Variants in JAKMIP2 observed in about 807,000 individuals in gnomAD.
The protein encoded by JAKMIP2 is janus kinase and microtubule interacting protein 2, also known as janus kinase and microtubule-interacting protein 2.
JAKMIP2 carries 25 observed loss-of-function variants against 115.0 expected under a neutral mutation model. The ratio of observed to expected loss-of-function variants is 0.22; its 90% CI spans 0.16 to 0.30. The LOEUF (loss-of-function observed/expected upper bound fraction) is 0.30, where lower values mean the gene tolerates loss of function less well. Among genes scored for constraint, JAKMIP2 ranks in the 10% least tolerant of loss-of-function variants. The pLI, the probability that JAKMIP2 is intolerant of heterozygous loss-of-function variation, is 1.00. For missense variants in JAKMIP2, 642 were observed against 957.6 expected (o/e 0.67, Z 4.35); for synonymous variants, 334 against 343.6 (o/e 0.97, Z 0.31).
intron 3 of JAKMIP2, chr5:147,660,424 G>T (rs1052781552): frequency 3.8e-5 from 17 of 449,174 alleles, no homozygotes; most frequent in African/African-American, 3.0e-4. Context: ...AAATGACTAG[G>T]GATTTTATCA....
At position 147,594,215 on chromosome 5, in the gene JAKMIP2, C is replaced by T. The variant is rs182166644; in HGVS notation, c.*21-2529G>A. The T allele has an allele frequency of 1.6e-3, 319 of 196,952 alleles. 5 individuals carry two copies. In the Admixed American group the frequency reaches 0.016, roughly 10 times the overall value. The allele number at this position is 196,952 out of a possible 1,614,324, so 12.2% of individuals were successfully genotyped here. On this transcript the variant is annotated intron_variant, in intron 21 of 21. Transcript: ENST00000616793. The stretch of plus-strand genomic sequence containing the variant: ...TAGCATTCTGAGTTATTGCAGTTAC[C>T]CAGTGGGTAACAGGAGTTCTTTTTA...
intron 3 of JAKMIP2, among the ~76,000 whole-genome samples, chr5:147,656,715 T>C (rs1206040222): frequency 6.6e-6 from 1 of 152,240 alleles, no homozygotes; most frequent in African/African-American, 2.4e-5. Flanking sequence ...TATGTGAATT[T>C]GATCCTGTCA....
intron 20 of JAKMIP2, among the ~76,000 whole-genome samples, chr5:147,605,379 T>G (rs1467888085): frequency 6.6e-6 from 1 of 151,888 alleles, no homozygotes; most frequent in East Asian, 1.9e-4. Flanking sequence ...CCGGCTAATT[T>G]TTTGTATTTT....
chr5:147,689,138 A>C (rs1045435039), intron 1 of JAKMIP2, among the ~76,000 whole-genome samples: 4 of 152,192 alleles, frequency 2.6e-5, no homozygotes, highest in Non-Finnish European at 5.9e-5. Flanking sequence ...CAAGAGCTCC[A>C]CAGTGAGCAC....
chr5:147,719,830 A>T (rs1194851040), intron 1 of JAKMIP2, among the ~76,000 whole-genome samples: 1 of 151,846 alleles, frequency 6.6e-6, no homozygotes, highest in Non-Finnish European at 1.5e-5. Flanking sequence ...TTTTAATTGG[A>T]GCATTTAGTC....
chr5:147,643,966 G>C (rs989529149), intron 7 of JAKMIP2, 92 bp downstream of exon 7: 2 of 1,072,968 alleles, frequency 1.9e-6, no homozygotes, highest in African/African-American at 3.1e-5. Context: ...GGGCCTCTGG[G>C]GTTAAACTAA....
chr5:147,754,057 C>T (rs1754657828), intron 1 of JAKMIP2, among the ~76,000 whole-genome samples: 1 of 152,158 alleles, frequency 6.6e-6, no homozygotes. Flanking sequence ...ATATTAAATG[C>T]TTCTCCTCCC....
At position 147,742,155 on chromosome 5, in the gene JAKMIP2, A is replaced by ATATTTTT; in HGVS notation, c.-149+40300_-149+40301insAAAAATA. 1.3e-3 allele frequency among the ~76,000 whole-genome samples: 147 copies of ATATTTTT among 108,898 alleles called. 10 individuals are homozygous for ATATTTTT. The highest frequency in any genetic ancestry group is 4.3e-3 in the African/African-American group (113 of 26,446). 71.4% of individuals were successfully genotyped at this position (108,898 alleles called of 152,430 possible). On this transcript the variant is annotated intron_variant, in intron 1 of 21. Transcript: ENST00000616793. ...TGTGGATCATTATATATATATATAT[A>ATATTTTT]TTTTTTTTACTATTGTATTGTATCT...
chr5:147,722,804 A>C (rs2126947840), intron 1 of JAKMIP2, among the ~76,000 whole-genome samples: 1 of 152,312 alleles, frequency 6.6e-6, no homozygotes, highest in South Asian at 2.1e-4. Context: ...AATGTTCTTA[A>C]AAAGTTATCT....
intron 20 of JAKMIP2, among the ~76,000 whole-genome samples, chr5:147,604,374 A>T (rs1466783045): frequency 2.0e-5 from 3 of 151,826 alleles, no homozygotes; most frequent in Admixed American, 1.3e-4. Flanking sequence ...TCCTCATGGA[A>T]CCCATGGGAA....
chr5:147,691,160 A>G (rs1346102955), intron 1 of JAKMIP2, among the ~76,000 whole-genome samples: 1 of 152,212 alleles, frequency 6.6e-6, no homozygotes, highest in Admixed American at 6.5e-5. Context: ...AGACACAAGC[A>G]TTGCATAAGA....
intron 21 of JAKMIP2, among the ~76,000 whole-genome samples, chr5:147,598,441 T>TATCTATCTATCTATC (rs1405937496): frequency 2.0e-5 from 3 of 151,938 alleles, no homozygotes; most frequent in East Asian, 3.9e-4. Context: ...TCTATCTATC[T>TATCTATCTATCTATC]ATCTATCTAT....
intron 1 of JAKMIP2, among the ~76,000 whole-genome samples, chr5:147,687,289 CG>C (rs1554079810): frequency 6.6e-6 from 1 of 152,162 alleles, no homozygotes; most frequent in Non-Finnish European, 1.5e-5. Flanking sequence ...CAGCCTTGAA[CG>C]TATGATTTAT....
At chr5:147,597,650 G>A (rs572200230) in intron 21 of JAKMIP2, among the ~76,000 whole-genome samples, 1 of 152,276 alleles carries the variant, frequency 6.6e-6, no homozygotes, top group South Asian at 2.1e-4. Flanking sequence ...ATTGCAACCT[G>A]GGTATAGCAG....
intron 14 of JAKMIP2, among the ~76,000 whole-genome samples, chr5:147,630,649 A>G (rs771366619): frequency 6.6e-6 from 1 of 152,092 alleles, no homozygotes; most frequent in African/African-American, 2.4e-5. Context: ...GCTCAATCTC[A>G]TAAGTACAGA....
At chr5:147,682,027 G>A (rs1391338043) in intron 1 of JAKMIP2, among the ~76,000 whole-genome samples, 9 of 139,684 alleles carry the variant, frequency 6.4e-5, no homozygotes, top group Non-Finnish European at 1.1e-4. Context: ...GTGACAGAAT[G>A]AAACTCTGTT....
chr5:147,678,091 G>GC (rs573320938), intron 1 of JAKMIP2, among the ~76,000 whole-genome samples: 3 of 151,962 alleles, frequency 2.0e-5, no homozygotes, highest in Non-Finnish European at 2.9e-5. Flanking sequence ...TGCAACCTTT[G>GC]CCCCCCGGAT....
chr5:147,699,197 A>G (rs1752228844), intron 1 of JAKMIP2, among the ~76,000 whole-genome samples: 1 of 152,248 alleles, frequency 6.6e-6, no homozygotes, highest in Non-Finnish European at 1.5e-5. Flanking sequence ...AAAGAAAATA[A>G]CGGCAGTTAA....
chr5:147,603,049 A>T (rs531736300), intron 20 of JAKMIP2, among the ~76,000 whole-genome samples: 1 of 152,222 alleles, frequency 6.6e-6, no homozygotes, highest in South Asian at 2.1e-4. Context: ...CATTCCTGCT[A>T]TTTCTATGAG....
Sources: gnomAD v4.1 joint callset for allele counts (sites outside exome capture counted in the v4.1 genomes callset) on GRCh38, gnomAD v4.1.1 for gene constraint, MANE v1.5 for transcripts, NCBI Gene and HGNC (gene_info 2026-07-23, HGNC 2026-07-21) for gene names.